Variants in ARHGEF9 observed in about 807,000 individuals in gnomAD.
The protein encoded by ARHGEF9 is Cdc42 guanine nucleotide exchange factor 9.
Under a neutral mutation model 41.3 loss-of-function variants are expected in ARHGEF9, and 2 were observed. The ratio of observed to expected loss-of-function variants is 0.05; its 90% confidence interval spans 0.02 to 0.15. ARHGEF9 has a LOEUF of 0.15. Among genes scored for constraint, ARHGEF9 ranks in the 10% least tolerant of loss-of-function variants. The probability of loss-of-function intolerance (pLI) is 1.00; values close to 1 mark genes in which losing one functional copy is unlikely to be tolerated. For missense variants in ARHGEF9, 225 were observed against 424.7 expected (o/e 0.53, Z 4.13); for synonymous variants, 160 against 154.4 (o/e 1.04, Z -0.27).
chrX:63,726,481 G>A (rs2053973636), intron 1 of ARHGEF9, among the ~76,000 whole-genome samples: 1 of 111,631 alleles, frequency 9.0e-6, no homozygotes, highest in African/African-American at 3.3e-5. Context: ...TGGGACTACA[G>A]GCGCACGCCA....
chrX:63,719,643 A>G (rs1556412340), intron 2 of ARHGEF9: 2 of 295,872 alleles, frequency 6.8e-6, no homozygotes, highest in East Asian at 4.8e-5. Context: ...TTGGTAAGAG[A>G]GCATTGAAGC....
chrX:63,702,848 A>T (rs2147486236), intron 3 of ARHGEF9, among the ~76,000 whole-genome samples: 1 of 112,160 alleles, frequency 8.9e-6, no homozygotes, highest in East Asian at 2.8e-4. Context: ...CTAGAGAAAA[A>T]GTAAGAGCCA....
intron 1 of ARHGEF9, among the ~76,000 whole-genome samples, chrX:63,733,625 T>C (rs1164910815): frequency 3.5e-5 from 4 of 112,688 alleles, no homozygotes; most frequent in Non-Finnish European, 7.5e-5. Flanking sequence ...ATATATTTTT[T>C]CATGACACAA....
intron 2 of ARHGEF9, among the ~76,000 whole-genome samples, chrX:63,708,373 C>T (rs1556404320): frequency 9.0e-6 from 1 of 111,648 alleles, no homozygotes; most frequent in Non-Finnish European, 1.9e-5. Flanking sequence ...TTTTGGATAG[C>T]TGGAATAAGA....
At chrX:63,640,442 A>G (rs2047552577) in intron 9 of ARHGEF9, 1 of 111,358 alleles carries the variant, frequency 9.0e-6, no homozygotes, top group Non-Finnish European at 1.9e-5. Flanking sequence ...CATTTTTGCT[A>G]TTCTAGGGCA....
intron 6 of ARHGEF9, 126 bp from the exon 7 acceptor site, chrX:63,666,143 G>T: frequency 1.1e-6 from 1 of 881,860 alleles, no homozygotes; most frequent in East Asian, 3.2e-5. Context: ...GGTAGAGACA[G>T]AGGGAGAGAG....
chrX:63,718,270 G>C (rs1417907272), intron 2 of ARHGEF9, among the ~76,000 whole-genome samples: 3 of 111,527 alleles, frequency 2.7e-5, no homozygotes, highest in Non-Finnish European at 5.6e-5. Context: ...GCCATGTAAA[G>C]ATAAGTGGTT....
intron 1 of ARHGEF9, among the ~76,000 whole-genome samples, chrX:63,752,100 T>G (rs2147778579): frequency 8.9e-6 from 1 of 111,973 alleles, no homozygotes; most frequent in East Asian, 2.8e-4. Context: ...CTTAAACTTG[T>G]TATCCAGGCT....
rs782681048 is a variant in ARHGEF9 at position 63,702,540 on chromosome X, G to GT, written c.402+3717dup. On this transcript the variant is annotated intron_variant, in intron 3 of 9. Coordinates refer to ENST00000671741, the MANE Select transcript of ARHGEF9 (RefSeq NM_001353921.2). ...AAAATAAGGGTGTTATAACTTAAAT[G>GT]TTTGTAAAGCACTTTCTGCTCCCAG... 1.2e-4 allele frequency among the ~76,000 whole-genome samples: 14 copies of GT among 112,177 alleles called. No individual in the cohort carries two copies. The East Asian group carries it at 3.9e-3, about 32-fold the overall frequency.
chrX:63,766,821 A>T, intron 1 of ARHGEF9: 1 of 277,614 alleles, frequency 3.6e-6, no homozygotes, highest in Non-Finnish European at 6.6e-6. Flanking sequence ...GCCATCCAAG[A>T]CCCCTGATCA....
rs181169584 is a variant in ARHGEF9 at position 63,636,852 on chromosome X, G to A, written c.*1176C>T. 7.5e-4 allele frequency: 221 copies of A among 295,651 alleles called. No individual in the cohort carries two copies. Among genetic ancestry groups the A allele is most frequent in the Non-Finnish European group, 1.1e-3 (181 of 170,027 alleles). 24.4% of individuals were successfully genotyped at this position (295,651 alleles called of 1,213,427 possible). A position where few individuals can be genotyped will look rare whatever the true frequency, so the allele number is the denominator to read the frequency against. ...CCAGGTCAATAATTTGAAGGTAGCTGATGATCTTGATCAGGTGGGCTCTGT... is the reference window on the plus strand; with the variant it reads ...CCAGGTCAATAATTTGAAGGTAGCTAATGATCTTGATCAGGTGGGCTCTGT... On this transcript the variant is annotated 3_prime_UTR_variant, in exon 10 of 10. Coordinates refer to ENST00000671741, the MANE Select transcript of ARHGEF9 (RefSeq NM_001353921.2).
At chrX:63,646,506 T>C (rs2048083226) in intron 8 of ARHGEF9, among the ~76,000 whole-genome samples, 1 of 112,058 alleles carries the variant, frequency 8.9e-6, no homozygotes, top group East Asian at 2.8e-4. Context: ...CCATTGCTTG[T>C]TTTTCTCAGG....
chrX:63,715,336 A>G (rs2053224621), intron 2 of ARHGEF9, among the ~76,000 whole-genome samples: 1 of 112,155 alleles, frequency 8.9e-6, no homozygotes, highest in African/African-American at 3.2e-5. Flanking sequence ...CAGATATGGA[A>G]GTACCGATTT....
At chrX:63,767,876 G>T (rs1373517984) in intron 1 of ARHGEF9, among the ~76,000 whole-genome samples, 1 of 112,309 alleles carries the variant, frequency 8.9e-6, no homozygotes, top group African/African-American at 3.2e-5. Context: ...TCTGTTTGGA[G>T]ATAGTTGCAT....
chrX:63,770,631 C>T (rs2056188957), intron 1 of ARHGEF9, among the ~76,000 whole-genome samples: 1 of 111,481 alleles, frequency 9.0e-6, no homozygotes, highest in South Asian at 3.8e-4. Context: ...GCTCTGTGTC[C>T]CCACCCAAAT....
At chrX:63,663,616 G>A (rs2049348031) in intron 7 of ARHGEF9, among the ~76,000 whole-genome samples, 1 of 110,964 alleles carries the variant, frequency 9.0e-6, no homozygotes, top group African/African-American at 3.3e-5. Context: ...TTTCCTCCAT[G>A]GATTCTCTTT....
At chrX:63,770,773 T>C (rs1556454314) in intron 1 of ARHGEF9, among the ~76,000 whole-genome samples, 1 of 112,152 alleles carries the variant, frequency 8.9e-6, no homozygotes, top group Non-Finnish European at 1.9e-5. Flanking sequence ...GATGGTTTTA[T>C]AAGTACCTGG....
At chrX:63,666,500 C>A (rs1275270132) in intron 6 of ARHGEF9, among the ~76,000 whole-genome samples, 2 of 63,748 alleles carry the variant, frequency 3.1e-5, no homozygotes, top group Non-Finnish European at 6.5e-5. Flanking sequence ...ATATATATTT[C>A]TCCATCTCTC....
intron 2 of ARHGEF9, among the ~76,000 whole-genome samples, chrX:63,707,824 T>C (rs2052656443): frequency 9.0e-6 from 1 of 111,560 alleles, no homozygotes; most frequent in Non-Finnish European, 1.9e-5. Flanking sequence ...CTTCTTTCTT[T>C]TTCTCACAGG....
Sources: allele counts gnomAD v4.1 joint callset (sites outside exome capture counted in the v4.1 genomes callset), GRCh38; gene constraint gnomAD v4.1.1; transcripts MANE v1.5; gene names NCBI Gene and HGNC (gene_info 2026-07-23, HGNC 2026-07-21).